Variants in CLDN16 observed in about 807,000 individuals in gnomAD.
CLDN16 encodes the protein claudin-16.
In CLDN16, 13 loss-of-function variants were observed where a neutral mutation model predicts 24.6. The observed-to-expected ratio is 0.53, with a 90% CI of 0.34 to 0.84. CLDN16 has a LOEUF of 0.84. Among genes scored for constraint, CLDN16 ranks in the 40% least tolerant of loss-of-function variants. CLDN16 has a pLI of 0.01. For synonymous variants in CLDN16, 116 were observed against 106.7 expected (o/e 1.09, Z -0.54); for missense variants, 298 against 292.7 (o/e 1.02, Z -0.13).
intron 1 of CLDN16, among the ~76,000 whole-genome samples, chr3:190,395,310 A>G (rs756551589): frequency 6.6e-6 from 1 of 152,068 alleles, no homozygotes; most frequent in Non-Finnish European, 1.5e-5. Flanking sequence ...TAGCAAATAA[A>G]GTCATGTTTT....
At chr3:190,308,476 A>G in the CLDN16 span, 1 of 1,602,332 alleles carries the variant, frequency 6.2e-7, no homozygotes, top group Non-Finnish European at 8.5e-7. Flanking sequence ...TAATCAGTGA[A>G]TTATTGGCAA....
chr3:190,338,885 C>T (rs2108628059), intron 1 of CLDN16, among the ~76,000 whole-genome samples: 1 of 152,240 alleles, frequency 6.6e-6, no homozygotes. Flanking sequence ...CTTGACTGGG[C>T]TGGTACACTC....
chr3:190,409,253 C>CACACATGTATATGT lies in CLDN16; in HGVS notation c.575-649_575-648insCACATGTATATGTA, dbSNP rs1560100170. On this transcript the variant is annotated intron_variant, in intron 4 of 4. Transcript: ENST00000264734. ...ATGTATATATGCACACACGTATATG[C>CACACATGTATATGT]ATGTATATATGCACACATGTATATG... Among the ~76,000 whole-genome samples the CACACATGTATATGT allele has an allele frequency of 6.7e-3, 711 of 106,916 alleles. 10 individuals carry two copies. The highest frequency in any genetic ancestry group is 0.03 in the African/African-American group (685 of 22,962). 70.1% of individuals were successfully genotyped at this position (106,916 alleles called of 152,430 possible).
intron 1 of CLDN16, among the ~76,000 whole-genome samples, chr3:190,332,142 G>A (rs1197603055): frequency 1.3e-5 from 2 of 152,078 alleles, no homozygotes; most frequent in Non-Finnish European, 2.9e-5. Context: ...ATATCTCTGA[G>A]TTTGAAGAAT....
chr3:190,346,032 T>A (rs916884827), intron 1 of CLDN16, among the ~76,000 whole-genome samples: 1 of 151,912 alleles, frequency 6.6e-6, no homozygotes, highest in Non-Finnish European at 1.5e-5. Context: ...ACAATACACA[T>A]GAACATTCAG....
upstream of CLDN16, among the ~76,000 whole-genome samples, chr3:190,318,317 A>G (rs1716823532): frequency 6.6e-6 from 1 of 152,126 alleles, no homozygotes; most frequent in South Asian, 2.1e-4. Context: ...CCTCCATTAT[A>G]TTTCCTTAAT....
chr3:190,327,743 T>C (rs1717098541), intron 1 of CLDN16, among the ~76,000 whole-genome samples: 1 of 152,148 alleles, frequency 6.6e-6, no homozygotes. Context: ...TGCATCCTCA[T>C]CAGGCCACCA....
chr3:190,357,326 A>G (rs1717795559), intron 1 of CLDN16, among the ~76,000 whole-genome samples: 2 of 151,456 alleles, frequency 1.3e-5, no homozygotes, highest in African/African-American at 4.8e-5. Flanking sequence ...CTAACTGAGA[A>G]CTCGTAATTT....
At chr3:190,391,208 G>GTTTTTTT (rs57481102) in intron 1 of CLDN16, among the ~76,000 whole-genome samples, 1 of 135,772 alleles carries the variant, frequency 7.4e-6, no homozygotes, top group Non-Finnish European at 1.6e-5. Context: ...TACTTTTCCA[G>GTTTTTTT]TTTTTTTTTT....
intron 1 of CLDN16, among the ~76,000 whole-genome samples, chr3:190,396,199 G>A (rs920765031): frequency 4.6e-5 from 7 of 152,142 alleles, no homozygotes; most frequent in African/African-American, 9.7e-5. Context: ...CAAGTTGGAA[G>A]AGTCATCATC....
intron 3 of CLDN16, among the ~76,000 whole-genome samples, chr3:190,376,675 A>G (rs1016469871): frequency 1.3e-5 from 2 of 151,956 alleles, no homozygotes; most frequent in Non-Finnish European, 2.9e-5. Context: ...TCCAAACTTA[A>G]TCACTGATCT....
intron 1 of CLDN16, 29 bp downstream of exon 1, chr3:190,388,472 T>C (rs923427514): frequency 3.2e-5 from 52 of 1,607,558 alleles, no homozygotes; most frequent in Non-Finnish European, 4.4e-5. Flanking sequence ...CTTTTCATGA[T>C]CCAGGCCAGC....
intron 1 of CLDN16, among the ~76,000 whole-genome samples, chr3:190,341,882 C>T (rs1000739318): frequency 1.7e-4 from 26 of 152,138 alleles, no homozygotes; most frequent in Non-Finnish European, 5.9e-5. Context: ...GTTCAAAGAT[C>T]CACAAATCTC....
intron 1 of CLDN16, among the ~76,000 whole-genome samples, chr3:190,359,730 C>T (rs138901347): frequency 8.8e-4 from 134 of 151,982 alleles, no homozygotes; most frequent in African/African-American, 2.9e-3. Context: ...AGTGCTTCAG[C>T]GAGCCAGGTC....
the CLDN16 span, among the ~76,000 whole-genome samples, chr3:190,312,257 GA>G: frequency 6.6e-6 from 1 of 151,708 alleles, no homozygotes; most frequent in Non-Finnish European, 1.5e-5. Context: ...ATTTTAAATG[GA>G]AAATATAATA....
intron 1 of CLDN16, among the ~76,000 whole-genome samples, chr3:190,394,139 C>A (rs1718756151): frequency 6.6e-6 from 1 of 152,102 alleles, no homozygotes; most frequent in South Asian, 2.1e-4. Flanking sequence ...GGTTATTTAT[C>A]AAATGCTCAC....
chr3:190,408,633 C>A, intron 4 of CLDN16, 128 bp downstream of exon 4: 3 of 864,668 alleles, frequency 3.5e-6, no homozygotes, highest in Non-Finnish European at 5.5e-6. Flanking sequence ...TTAAAAATTC[C>A]AATTGTTCAA....
intron 1 of CLDN16, among the ~76,000 whole-genome samples, chr3:190,355,302 C>A (rs376234124): frequency 4.6e-5 from 7 of 151,806 alleles, no homozygotes; most frequent in East Asian, 3.9e-4. Flanking sequence ...TATTCTAATT[C>A]ACACCAAAAT....
chr3:190,367,538 A>G (rs898851416), intron 1 of CLDN16, among the ~76,000 whole-genome samples: 2 of 151,996 alleles, frequency 1.3e-5, no homozygotes, highest in Non-Finnish European at 2.9e-5. Flanking sequence ...TTAGAGGAGA[A>G]TCAATGTGAT....
Sources: allele counts gnomAD v4.1 joint callset (sites outside exome capture counted in the v4.1 genomes callset), GRCh38; gene constraint gnomAD v4.1.1; transcripts MANE v1.5; gene names NCBI Gene and HGNC (gene_info 2026-07-23, HGNC 2026-07-21).